GUCA1B: variants seen among roughly 807,000 people sequenced by gnomAD.
GUCA1B encodes the protein guanylate cyclase activator 1B.
Under a neutral mutation model 24.2 loss-of-function variants are expected in GUCA1B, and 22 were observed. That is an observed-to-expected ratio of 0.91 (90% CI 0.65 to 1.30). The LOEUF is 1.30. Among genes scored for constraint, GUCA1B ranks in the 50% most tolerant of loss-of-function variants. The pLI, the probability that GUCA1B is intolerant of heterozygous loss-of-function variation, is 0.00. For synonymous variants in GUCA1B, 100 were observed against 97.9 expected (o/e 1.02, Z -0.13); for missense variants, 221 against 258.8 (o/e 0.85, Z 1.00).
At position 42,183,752 on chromosome 6, in the gene GUCA1B, A is replaced by G. The variant is rs1345035017; in HGVS notation, c.*1063T>C. ...CAGAAGTTTTCTCCATCCTTTAAAGAGAAACATTCAGCTTATGGCTGGGAG... is the reference window on the plus strand; with the variant it reads ...CAGAAGTTTTCTCCATCCTTTAAAGGGAAACATTCAGCTTATGGCTGGGAG... On this transcript the variant is annotated 3_prime_UTR_variant, in exon 4 of 4. Transcript: ENST00000230361. Among the ~76,000 whole-genome samples, 1 of 152,132 alleles carries G rather than the reference A, an allele frequency of 6.6e-6. No homozygotes were observed. Among genetic ancestry groups the G allele is most frequent in the Non-Finnish European group, 1.5e-5 (1 of 68,028 alleles).
intron 1 of GUCA1B, among the ~76,000 whole-genome samples, chr6:42,190,341 T>G (rs1223159030): frequency 6.7e-6 from 1 of 148,668 alleles, no homozygotes; most frequent in Non-Finnish European, 1.5e-5. Context: ...CTTTAAAAAT[T>G]AGTTAAAATG....
At position 42,194,648 on chromosome 6, in the gene GUCA1B, A is replaced by G. The variant is rs753195949; in HGVS notation, c.173T>C (p.Val58Ala). 3.7e-6 allele frequency: 6 copies of G among 1,613,366 alleles called. No homozygotes were observed. The highest frequency in any genetic ancestry group is 5.1e-6 in the Non-Finnish European group (6 of 1,179,442). ...GTCGAAGGCTCGGAACATGCCCTCT[A>G]CATACTGGGAGGCCTCCTCATCGTC... ...VTDDEEASQY[V>A]EGMFRAFDKN... The change falls in exon 1 of 4, where the codon GTA (valine) becomes GCA (alanine). Residue 58 changes from valine to alanine, a missense_variant. Val to Ala is a moderately conservative substitution (Grantham distance 64). Transcript: ENST00000230361.
chr6:42,194,174 G>A (rs1027093406), intron 1 of GUCA1B, among the ~76,000 whole-genome samples: 6 of 152,192 alleles, frequency 3.9e-5, no homozygotes, highest in African/African-American at 1.4e-4. Context: ...CCAACAAGAG[G>A]GAGCTCATAG....
At chr6:42,187,214 C>T (rs187207860) in intron 2 of GUCA1B, among the ~76,000 whole-genome samples, 17 of 152,206 alleles carry the variant, frequency 1.1e-4, no homozygotes, top group African/African-American at 3.9e-4. Flanking sequence ...AAGCAATTCT[C>T]CTGCCTCAGC....
rs116359086 is a variant in GUCA1B, at chr6:42,193,537, C to T, written c.207+1077G>A. On this transcript the variant is annotated intron_variant, in intron 1 of 3. Coordinates refer to ENST00000230361, the MANE Select transcript of GUCA1B (RefSeq NM_002098.6). ...GAATAACAAAAGTCTGCCCCTCCCA[C>T]CCAGGGTTGCTGCTGATTCAGAGGA... 6.8e-3 allele frequency among the ~76,000 whole-genome samples: 1,032 copies of T among 152,330 alleles called. 9 individuals are homozygous for T. The highest frequency in any genetic ancestry group is 0.023 in the African/African-American group (975 of 41,570).
intron 1 of GUCA1B, among the ~76,000 whole-genome samples, chr6:42,193,323 G>A (rs957616259): frequency 2.6e-5 from 4 of 152,050 alleles, no homozygotes; most frequent in African/African-American, 9.7e-5. Flanking sequence ...GAAGATTGAT[G>A]GACTTAAATG....
intron 2 of GUCA1B, 132 bp downstream of exon 2, chr6:42,188,450 G>T (rs1768235308): frequency 2.6e-6 from 2 of 757,696 alleles, no homozygotes; most frequent in African/African-American, 3.4e-5. Context: ...CTCAGAATGA[G>T]AACACAGGAA....
chr6:42,192,943 T>C (rs888058183), intron 1 of GUCA1B, among the ~76,000 whole-genome samples: 3 of 152,136 alleles, frequency 2.0e-5, no homozygotes, highest in Non-Finnish European at 4.4e-5. Flanking sequence ...ATCTATAGCT[T>C]TCTCTTAAAA....
intron 3 of GUCA1B, 111 bp from the exon 4 acceptor site, chr6:42,185,053 T>C: frequency 1.0e-6 from 1 of 967,740 alleles, no homozygotes. Context: ...ATGCCAACTA[T>C]CCTGCAGTCT....
Position 42,184,322 on chromosome 6 carries a change from A to G in GUCA1B, c.*493T>C. 4.7e-6 allele frequency: 1 copy of G among 210,628 alleles called. No individual in the cohort carries two copies. Among genetic ancestry groups the G allele is most frequent in the Non-Finnish European group, 9.8e-6 (1 of 102,204 alleles). 13.0% of individuals were successfully genotyped at this position (210,628 alleles called of 1,614,324 possible). A position where few individuals can be genotyped will look rare whatever the true frequency, so the allele number is the denominator to read the frequency against. ...TAGCCAGGATGGTCTCGATCTCCTG[A>G]CCTCGTGATCTGCCCGCCTCGGCCT... On this transcript the variant is annotated 3_prime_UTR_variant, in exon 4 of 4. Transcript: ENST00000230361.
At chr6:42,193,322 T>TG (rs1253378259) in intron 1 of GUCA1B, among the ~76,000 whole-genome samples, 18 of 152,264 alleles carry the variant, frequency 1.2e-4, no homozygotes, top group Admixed American at 3.3e-4. Context: ...GGAAGATTGA[T>TG]GGACTTAAAT....
rs113734032 is a variant in GUCA1B at position 42,184,335 on chromosome 6, C to T, written c.*480G>A. ...CTCGATCTCCTGACCTCGTGATCTG[C>T]CCGCCTCGGCCTCCCAAAGTGCTGG... is the stretch of plus-strand genomic sequence containing the variant. On this transcript the variant is annotated 3_prime_UTR_variant, in exon 4 of 4. Coordinates refer to ENST00000230361, the MANE Select transcript of GUCA1B (RefSeq NM_002098.6). 0.019 allele frequency: 4,249 copies of T among 220,812 alleles called. 173 individuals carry two copies. The highest frequency in any genetic ancestry group is 0.087 in the African/African-American group (3,868 of 44,436). 13.7% of individuals were successfully genotyped at this position (220,812 alleles called of 1,614,324 possible).
At position 42,192,393 on chromosome 6, in the gene GUCA1B, A is replaced by G. The variant is rs1334059573; in HGVS notation, c.207+2221T>C. Among the ~76,000 whole-genome samples the G allele has an allele frequency of 7.7e-4, 13 of 16,960 alleles. 1 individual carries two copies. The highest frequency in any genetic ancestry group is 4.2e-3 in the South Asian group (1 of 240). The allele number at this position is 16,960 out of a possible 152,430, so 11.1% of individuals were successfully genotyped here. On this transcript the variant is annotated intron_variant, in intron 1 of 3. Transcript: ENST00000230361. Reference sequence around the variant, plus strand: ...AAAAAAAAAAAAAGAGAGAAAAGAAAAGAAAAGAAAAGAAAAAGGAAAAAA... The same window carrying G: ...AAAAAAAAAAAAAGAGAGAAAAGAAGAGAAAAGAAAAGAAAAAGGAAAAAA...
At position 42,184,179 on chromosome 6, in the gene GUCA1B, C is replaced by T. The variant is rs1287054655; in HGVS notation, c.*636G>A. On this transcript the variant is annotated 3_prime_UTR_variant, in exon 4 of 4. Coordinates refer to ENST00000230361, the MANE Select transcript of GUCA1B (RefSeq NM_002098.6). The stretch of plus-strand genomic sequence containing the variant: ...TCTCGGCTCACTGTAGGCTCGGCCC[C>T]CTGGGGTTCACGCCATTCTCTTGCC... Among the ~76,000 whole-genome samples the T allele has an allele frequency of 1.3e-5, 2 of 152,014 alleles. No individual in the cohort carries two copies. Among genetic ancestry groups the T allele is most frequent in the Non-Finnish European group, 2.9e-5 (2 of 67,968 alleles).
intron 1 of GUCA1B, among the ~76,000 whole-genome samples, chr6:42,192,443 G>A (rs1331487760): frequency 6.6e-6 from 1 of 150,908 alleles, no homozygotes; most frequent in Non-Finnish European, 1.5e-5. Flanking sequence ...CGGGTGCAGT[G>A]GCTCATGCCT....
intron 2 of GUCA1B, among the ~76,000 whole-genome samples, chr6:42,186,143 T>C (rs2113844261): frequency 6.6e-6 from 1 of 152,316 alleles, no homozygotes; most frequent in South Asian, 2.1e-4. Flanking sequence ...GAAATAGAGA[T>C]GCAGAGAAGA....
intron 3 of GUCA1B, 47 bp from the exon 4 acceptor site, chr6:42,184,989 T>C (rs1189693941): frequency 1.2e-6 from 2 of 1,603,526 alleles, no homozygotes; most frequent in South Asian, 1.1e-5. Flanking sequence ...AGGGGAGACC[T>C]GGGTCTGGGG....
At chr6:42,187,894 T>C (rs1768223723) in intron 2 of GUCA1B, among the ~76,000 whole-genome samples, 1 of 152,050 alleles carries the variant, frequency 6.6e-6, no homozygotes, top group African/African-American at 2.4e-5. Flanking sequence ...TTGCCCCAGC[T>C]GGAATGCAGT....
In GUCA1B at chr6:42,183,440, C is replaced by T. The variant is rs1421085236; in HGVS notation, c.*1375G>A. On this transcript the variant is annotated 3_prime_UTR_variant, in exon 4 of 4. Transcript: ENST00000230361. ...TTTCAGTTTGCTTTTTTCAGAGGTG[C>T]CTCCAGTTCCAGAGGGTACTCAGCT... is the stretch of plus-strand genomic sequence containing the variant. Among the ~76,000 whole-genome samples the T allele has an allele frequency of 6.6e-6, 1 of 152,116 alleles. No individual in the cohort carries two copies. Among genetic ancestry groups the T allele is most frequent in the Non-Finnish European group, 1.5e-5 (1 of 68,012 alleles).
Sources: allele counts gnomAD v4.1 joint callset (sites outside exome capture counted in the v4.1 genomes callset), GRCh38; gene constraint gnomAD v4.1.1; transcripts MANE v1.5; gene names NCBI Gene and HGNC (gene_info 2026-07-23, HGNC 2026-07-21).